The following GREB1 variants were observed in gnomAD, a reference collection of about 807,000 sequenced individuals.
GREB1 encodes the protein protein GREB1.
A neutral mutation model predicts 200.7 loss-of-function variants in GREB1; 106 were observed. The observed-to-expected ratio is 0.53, with a 90% confidence interval of 0.45 to 0.62. The LOEUF (loss-of-function observed/expected upper bound fraction) is 0.62. Among genes scored for constraint, GREB1 ranks in the 20% least tolerant of loss-of-function variants. GREB1 has a pLI of 0.00. For missense variants in GREB1, 2,243 were observed against 2,556.8 expected, an observed-to-expected ratio of 0.88 and a Z score of 2.65; for synonymous variants, 1,132 against 1,092.4, an observed-to-expected ratio of 1.04 and a Z score of -0.72.
intron 16 of GREB1, among the ~76,000 whole-genome samples, chr2:11,601,705 G>T (rs1023365811): frequency 1.3e-5 from 2 of 152,198 alleles, no homozygotes; most frequent in African/African-American, 2.4e-5. Context: ...CTTCCCATAG[G>T]CCAGGGAAGC....
chr2:11,543,414 T>C (rs556388498), intron 1 of GREB1, among the ~76,000 whole-genome samples: 1 of 152,346 alleles, frequency 6.6e-6, no homozygotes. Flanking sequence ...TTATGCCAAC[T>C]GCCCTGCATG....
upstream of GREB1, among the ~76,000 whole-genome samples, chr2:11,531,657 G>A (rs184844594): frequency 2.0e-5 from 3 of 152,132 alleles, no homozygotes; most frequent in Admixed American, 1.3e-4. Flanking sequence ...TGCAACCTTG[G>A]CATCTCGGGT....
At chr2:11,555,823 A>G (rs746531713) in intron 1 of GREB1, among the ~76,000 whole-genome samples, 5 of 152,222 alleles carry the variant, frequency 3.3e-5, no homozygotes, top group Non-Finnish European at 7.3e-5. Flanking sequence ...GACACTGTGA[A>G]TATACGAAAA....
Position 11,588,768 on chromosome 2 carries a change from C to T in GREB1, c.1182C>T (p.Leu394=). Residue 394 remains leucine (L), a synonymous_variant, in exon 10 of 33, where the codon CTC becomes CTT. Transcript: ENST00000381486. ...CAGGCCATGGGAACTTCCCTTACCT[C>T]TGTGGGAACCTGAATGACGTCGTGG... ...IFKGHGNFPY[L]CGNLNDVVVS... 6.2e-7 allele frequency: 1 copy of T among 1,614,222 alleles called. No homozygotes were observed. Among genetic ancestry groups the T allele is most frequent in the Non-Finnish European group, 8.5e-7 (1 of 1,180,024 alleles).
At chr2:11,616,564 T>C in intron 20 of GREB1, 67 bp from the exon 21 acceptor site, 1 of 961,894 alleles carries the variant, frequency 1.0e-6, no homozygotes, top group Non-Finnish European at 1.7e-6. Flanking sequence ...TTACACACTG[T>C]GAAGTGCTGG....
chr2:11,602,682 G>T, intron 17 of GREB1, 140 bp downstream of exon 17: 1 of 696,190 alleles, frequency 1.4e-6, no homozygotes. Context: ...AATGTACCCT[G>T]GTTTTTTCCT....
chr2:11,639,527 T>C (rs1423020368), intron 32 of GREB1, among the ~76,000 whole-genome samples: 1 of 152,220 alleles, frequency 6.6e-6, no homozygotes, highest in Non-Finnish European at 1.5e-5. Context: ...CTTCCTCCTG[T>C]CTGCACCAGC....
chr2:11,511,114 A>G (rs1415227603), intron 1 of GREB1, among the ~76,000 whole-genome samples: 1 of 152,122 alleles, frequency 6.6e-6, no homozygotes, highest in Non-Finnish European at 1.5e-5. Context: ...TGGTGAGGGC[A>G]GGCATGGGGC....
intron 1 of GREB1, among the ~76,000 whole-genome samples, chr2:11,489,033 C>T (rs960457334): frequency 6.6e-6 from 1 of 151,990 alleles, no homozygotes; most frequent in Non-Finnish European, 1.5e-5. Flanking sequence ...AATGGCTGGC[C>T]CATAGGAGGT....
intron 4 of GREB1, among the ~76,000 whole-genome samples, chr2:11,570,833 C>T (rs1678191302): frequency 6.6e-6 from 1 of 152,058 alleles, no homozygotes; most frequent in African/African-American, 2.4e-5. Context: ...GTACGATGGC[C>T]TGAGAATTAT....
At chr2:11,589,109 G>A (rs1680474541) in intron 10 of GREB1, among the ~76,000 whole-genome samples, 178 bp downstream of exon 10, 1 of 152,228 alleles carries the variant, frequency 6.6e-6, no homozygotes, top group Admixed American at 6.5e-5. Flanking sequence ...ACACTGGGGG[G>A]CTGAAAGTAG....
Position 11,640,206 on chromosome 2 carries a change from T to A in GREB1, c.5687-85T>A, listed in dbSNP as rs995410998. The A allele has an allele frequency of 1.0e-5, 14 of 1,355,404 alleles. No individual in the cohort carries two copies. The African/African-American group carries it at 2.0e-4, about 20-fold the overall frequency. 84.0% of individuals were successfully genotyped at this position (1,355,404 alleles called of 1,614,324 possible). ...CCCTTCCCAACAGCGCCCTGTCTTG[T>A]CATTGCAAGTAGAATCCGGGCAGCC... On this transcript the variant is annotated intron_variant, in intron 32 of 32. Coordinates refer to ENST00000381486, the MANE Select transcript of GREB1 (RefSeq NM_014668.4). The surrounding 1 kb of genome is among the most constrained non-coding windows in gnomAD (Gnocchi z 4.6).
intron 1 of GREB1, among the ~76,000 whole-genome samples, chr2:11,553,466 C>T (rs1401262713): frequency 6.6e-6 from 1 of 151,384 alleles, no homozygotes; most frequent in Non-Finnish European, 1.5e-5. Flanking sequence ...GCCTGGGCAA[C>T]AAAGTGAGAT....
chr2:11,508,994 CCTCCCGAGTAGCTGGGA>C (rs1412391524), intron 1 of GREB1, among the ~76,000 whole-genome samples: 3 of 151,714 alleles, frequency 2.0e-5, no homozygotes, highest in African/African-American at 7.3e-5. Context: ...CCTGCCTCAG[CCTCCCGAGTAGCTGGGA>C]CTACAGGCGC....
At chr2:11,595,016 T>A (rs2148199328) in intron 11 of GREB1, among the ~76,000 whole-genome samples, 1 of 135,920 alleles carries the variant, frequency 7.4e-6, no homozygotes, top group Admixed American at 7.8e-5. Context: ...TTTAAATAAA[T>A]TATTTACCTT....
Position 11,609,238 on chromosome 2 carries a change from A to ATTATT in GREB1, c.2667-1443_2667-1439dup, listed in dbSNP as rs1464302134. On this transcript the variant is annotated intron_variant, in intron 17 of 32. Coordinates refer to ENST00000381486, the MANE Select transcript of GREB1 (RefSeq NM_014668.4). ...CTTTCTTTCTTTCTTCCTGGGCATTATTATTTTATTTATTTATTTATTTAT... is the reference window on the plus strand; with the variant it reads ...CTTTCTTTCTTTCTTCCTGGGCATTATTATTTTATTTTATTTATTTATTTATTTAT... 2.0e-4 allele frequency among the ~76,000 whole-genome samples: 27 copies of ATTATT among 134,984 alleles called. 1 individual carries two copies. The highest frequency in any genetic ancestry group is 6.7e-4 in the African/African-American group (25 of 37,468). 88.6% of individuals were successfully genotyped at this position (134,984 alleles called of 152,430 possible).
intron 1 of GREB1, among the ~76,000 whole-genome samples, chr2:11,484,367 C>G (rs192085019): frequency 1.3e-5 from 2 of 152,170 alleles, no homozygotes; most frequent in South Asian, 2.1e-4. Context: ...TTAAAGTTTG[C>G]AGTGTTATCT....
chr2:11,597,948 C>G lies in GREB1; in HGVS notation c.2122C>G (p.Gln708Glu). Residue 708 changes from glutamine to glutamate, a missense_variant, in exon 14 of 33, where the codon CAG (glutamine) becomes GAG (glutamate). Around this residue, in one of 3 missense-constraint regions of GREB1, gnomAD observed 1,178 missense variants for 1,387.4 expected, o/e 0.85. Coordinates refer to ENST00000381486, the MANE Select transcript of GREB1 (RefSeq NM_014668.4). The surrounding 1 kb of genome is among the most constrained non-coding windows in gnomAD (Gnocchi z 4.1). ...CATTCCCCCCTCAGAAGTGACCTAC[C>G]AGCAGACTCTGCTCCATGTGTGGCA... Reference protein sequence around the residue: ...ICIPPSEVTYQQTLLHVWHSG... With the variant: ...ICIPPSEVTYEQTLLHVWHSG... 6.2e-7 allele frequency: 1 copy of G among 1,614,096 alleles called. No homozygotes were observed. The highest frequency in any genetic ancestry group is 8.5e-7 in the Non-Finnish European group (1 of 1,179,940).
At chr2:11,535,384 C>CTTATTTAT (rs113410274) in intron 1 of GREB1, among the ~76,000 whole-genome samples, 1 of 151,242 alleles carries the variant, frequency 6.6e-6, no homozygotes, top group Non-Finnish European at 1.5e-5. Flanking sequence ...CCTCACCCCA[C>CTTATTTAT]TTATTTATTT....
Sources: allele counts gnomAD v4.1 joint callset (sites outside exome capture counted in the v4.1 genomes callset), GRCh38; gene constraint gnomAD v4.1.1; regional missense constraint gnomAD v4.1.1; non-coding constraint Gnocchi (gnomAD v3.1); transcripts MANE v1.5; gene names NCBI Gene and HGNC (gene_info 2026-07-23, HGNC 2026-07-21).